ABR: variants seen among roughly 807,000 people sequenced by gnomAD.
ABR encodes the protein active breakpoint cluster region-related protein.
A neutral mutation model predicts 107.2 loss-of-function variants in ABR; 35 were observed. That is an observed-to-expected ratio of 0.33 (90% CI 0.25 to 0.43). The LOEUF (loss-of-function observed/expected upper bound fraction) is 0.43. Among genes scored for constraint, ABR ranks in the 20% least tolerant of loss-of-function variants. The pLI is 1.00. For synonymous variants in ABR, 498 were observed against 462.0 expected, an observed-to-expected ratio of 1.08 and a Z score of -1.00; for missense variants, 815 against 1,115.2, an observed-to-expected ratio of 0.73 and a Z score of 3.83.
chr17:1,045,335 T>TAGCAGGACAATCTTCCATCTTCTTAC (rs879615025), intron 16 of ABR, among the ~76,000 whole-genome samples: 2,708 of 146,156 alleles, frequency 0.019, 5 homozygotes, highest in South Asian at 0.031. Context: ...CATCTTCTTA[T>TAGCAGGACAATCTTCCATCTTCTTAC]AGCAGGACAA....
intron 13 of ABR, among the ~76,000 whole-genome samples, 188 bp from the exon 14 acceptor site, chr17:1,056,297 G>A (rs2033265138): frequency 6.6e-6 from 1 of 152,022 alleles, no homozygotes; most frequent in Non-Finnish European, 1.5e-5. Context: ...CCCGGGGTAG[G>A]GCTAGGGGGT....
At chr17:1,094,129 C>G (rs2037234317) in intron 3 of ABR, among the ~76,000 whole-genome samples, 1 of 152,144 alleles carries the variant, frequency 6.6e-6, no homozygotes, top group African/African-American at 2.4e-5. Context: ...CCTTCTGACC[C>G]TCGCCGTCCT....
rs574716321 is a variant in ABR at position 1,042,763 on chromosome 17, GGATA to G, written c.1791+7283_1791+7286del. ...CACCTACATTCACGGACGGATGGAT[GGATA>G]AACAGATGTGGCACCTATATCCACA... On this transcript the variant is annotated intron_variant, in intron 16 of 22. Coordinates refer to ENST00000302538, the MANE Select transcript of ABR (RefSeq NM_021962.5). 3.6e-3 allele frequency among the ~76,000 whole-genome samples: 543 copies of G among 149,728 alleles called. 5 individuals are homozygous for G. Among genetic ancestry groups the G allele is most frequent in the South Asian group, 0.018 (86 of 4,690 alleles).
chr17:1,021,776 C>G (rs1211478165), intron 16 of ABR, among the ~76,000 whole-genome samples: 3 of 150,490 alleles, frequency 2.0e-5, no homozygotes, highest in South Asian at 2.1e-4. Context: ...TGCCACTGCA[C>G]TCCAGCCTGG....
chr17:1,017,008 C>G (rs1037679032), intron 16 of ABR, among the ~76,000 whole-genome samples: 3 of 152,062 alleles, frequency 2.0e-5, no homozygotes, highest in Non-Finnish European at 4.4e-5. Flanking sequence ...AGGTGGTACC[C>G]AAGCCTCCGA....
At position 1,091,808 on chromosome 17, in the gene ABR, C is replaced by G; in HGVS notation, c.388G>C (p.Val130Leu). Residue 130 changes from valine to leucine, a missense_variant, in exon 4 of 23, where the codon GTG becomes CTG. By Grantham distance (32) the Val-to-Leu change is conservative (BLOSUM62 1). Around this residue, in one of 5 missense-constraint regions of ABR, gnomAD observed 385 missense variants for 596.9 expected, o/e 0.64. Transcript: ENST00000302538. ...LKATATTSQP[V>L]LTIQQIETIF... ...GTCTCGATCTGCTGGATGGTGAGCA[C>G]GGGCTGGGAGGTGGTGGCGGTGGCC... 1 of 1,613,858 alleles carries G rather than the reference C, an allele frequency of 6.2e-7. No individual in the cohort carries two copies. Among genetic ancestry groups the G allele is most frequent in the Non-Finnish European group, 8.5e-7 (1 of 1,179,914 alleles).
chr17:1,179,199 C>CT lies in ABR; in HGVS notation c.61+467_61+468insA, dbSNP rs34298357. ...CCTGGGCCCTGAACCACACATGACC[C>CT]GGTGCCCCTGGGGTGGCAAACTCGG... On this transcript the variant is annotated intron_variant, in intron 1 of 22. Coordinates refer to ENST00000302538, the MANE Select transcript of ABR (RefSeq NM_021962.5). This position sits in a 1 kb window ranked among gnomAD's most constrained non-coding sequence, Gnocchi z 4.9. Among the ~76,000 whole-genome samples the CT allele has an allele frequency of 6.6e-6, 1 of 151,862 alleles. No homozygotes were observed. The highest frequency in any genetic ancestry group is 1.5e-5 in the Non-Finnish European group (1 of 67,936).
chr17:1,199,641 G>A (rs1168181898), intron 1 of ABR, among the ~76,000 whole-genome samples: 3 of 152,020 alleles, frequency 2.0e-5, no homozygotes, highest in African/African-American at 7.3e-5. Context: ...TAGAGACAGG[G>A]TTTCACCATG....
At position 1,200,254 on chromosome 17, in the gene ABR, T is replaced by A. The variant is rs1196097125; in HGVS notation, c.838+28539A>T. Among the ~76,000 whole-genome samples the A allele has an allele frequency of 6.6e-6, 1 of 152,068 alleles. No homozygotes were observed. The highest frequency in any genetic ancestry group is 2.4e-5 in the African/African-American group (1 of 41,398). On this transcript the variant is annotated intron_variant, in intron 1 of 22. Transcript: ENST00000574139. This position sits in a 1 kb window ranked among gnomAD's most constrained non-coding sequence, Gnocchi z 4.1. ...AAAATAACCTAGAGATAAGTTAAAG[T>A]ACACGGGGGTCGGGGGCAGGCATGG... is the stretch of plus-strand genomic sequence containing the variant.
At position 1,050,487 on chromosome 17, in the gene ABR, G is replaced by A. The variant is rs976713282; in HGVS notation, c.1659+50C>T. ...TGGCCGTCCCCAGCAGACAAGCCAC[G>A]AGCACGGGGTGGTGGGGTCCCCACA... On this transcript the variant is annotated intron_variant, in intron 15 of 22. Transcript: ENST00000302538. The surrounding 1 kb of genome is among the most constrained non-coding windows in gnomAD (Gnocchi z 4.6). 7.8e-6 allele frequency: 12 copies of A among 1,537,586 alleles called. No homozygotes were observed. Among genetic ancestry groups the A allele is most frequent in the Middle Eastern group, 1.7e-4 (1 of 5,718 alleles).
At chr17:1,015,326 G>T (rs2071058790) in intron 16 of ABR, among the ~76,000 whole-genome samples, 1 of 149,388 alleles carries the variant, frequency 6.7e-6, no homozygotes, top group Non-Finnish European at 1.5e-5. Flanking sequence ...GGCTGAGATG[G>T]AAGAATCGCT....
chr17:1,159,430 GAGGT>G (rs552840500), intron 1 of ABR, among the ~76,000 whole-genome samples: 10 of 45,362 alleles, frequency 2.2e-4, no homozygotes, highest in African/African-American at 7.9e-4. Flanking sequence ...ACACACGGGA[GAGGT>G]AAGAATGCGG....
chr17:1,199,925 C>CTT (rs11442804), intron 1 of ABR, among the ~76,000 whole-genome samples: 60 of 147,160 alleles, frequency 4.1e-4, no homozygotes, highest in East Asian at 3.0e-3. Flanking sequence ...GCTCTTTTTT[C>CTT]TTTTTTTTTT....
chr17:1,025,684 T>G (rs913252259), intron 16 of ABR, among the ~76,000 whole-genome samples: 1 of 152,176 alleles, frequency 6.6e-6, no homozygotes, highest in Non-Finnish European at 1.5e-5. Flanking sequence ...AAATCTTCGT[T>G]CAAAAGTGAT....
At chr17:1,108,822 G>T in intron 2 of ABR, 2 of 882,902 alleles carry the variant, frequency 2.3e-6, no homozygotes, top group Non-Finnish European at 1.5e-6. Context: ...ACCCTCCGCC[G>T]AGGGCTTCCA....
Position 1,223,540 on chromosome 17 carries a change from G to A in ABR, c.838+5253C>T, listed in dbSNP as rs79274484. ...TATAAGCTGGGTGACCATGGGCAAT[G>A]TTATTGAAGTTCTCCAGGCCTCGTG... is the stretch of plus-strand genomic sequence containing the variant. On this transcript the variant is annotated intron_variant, in intron 1 of 22. Coordinates refer to the ABR transcript ENST00000574139. 6.4e-3 allele frequency among the ~76,000 whole-genome samples: 979 copies of A among 152,246 alleles called. 13 individuals are homozygous for A. The highest frequency in any genetic ancestry group is 0.023 in the African/African-American group (954 of 41,536).
intron 2 of ABR, among the ~76,000 whole-genome samples, chr17:1,109,530 A>G (rs1356498056): frequency 6.6e-6 from 1 of 151,330 alleles, no homozygotes; most frequent in Non-Finnish European, 1.5e-5. Context: ...AGGAGCGAGG[A>G]GGCCGCGGCC....
chr17:1,102,033 G>A (rs944364030), intron 2 of ABR, among the ~76,000 whole-genome samples: 9 of 151,982 alleles, frequency 5.9e-5, no homozygotes, highest in Non-Finnish European at 1.2e-4. Context: ...GCACCCTGCC[G>A]GAAAGACATT....
At chr17:1,197,059 CCGG>C (rs1231917320) in intron 1 of ABR, among the ~76,000 whole-genome samples, 6 of 151,554 alleles carry the variant, frequency 4.0e-5, no homozygotes, top group African/African-American at 1.5e-4. Flanking sequence ...TCCGGGAACC[CCGG>C]CTCCCCTGCA....
Sources: allele counts gnomAD v4.1 joint callset (sites outside exome capture counted in the v4.1 genomes callset), GRCh38; gene constraint gnomAD v4.1.1; regional missense constraint gnomAD v4.1.1; non-coding constraint Gnocchi (gnomAD v3.1); transcripts MANE v1.5; gene names NCBI Gene and HGNC (gene_info 2026-07-23, HGNC 2026-07-21).